FAM222A: variants seen among roughly 807,000 people sequenced by gnomAD.
FAM222A encodes the protein family with sequence similarity 222 member A.
In FAM222A, 7 loss-of-function variants were observed where a neutral mutation model predicts 25.8. The ratio of observed to expected loss-of-function variants is 0.27; its 90% CI spans 0.15 to 0.51. FAM222A has a LOEUF of 0.51. Among genes scored for constraint, FAM222A ranks in the 20% least tolerant of loss-of-function variants. The pLI is 0.97. For synonymous variants in FAM222A, 294 were observed against 298.8 expected (o/e 0.98, Z 0.17); for missense variants, 573 against 640.5 (o/e 0.89, Z 1.14).
At chr12:109,743,958 C>A in intron 1 of FAM222A, 143 bp from the exon 2 acceptor site, 6 of 1,410,598 alleles carry the variant, frequency 4.3e-6, no homozygotes, top group Non-Finnish European at 5.5e-6. Flanking sequence ...TTGGTCCCCT[C>A]ATTGGTCGAA....
chr12:109,731,610 T>C (rs1887949503), intron 1 of FAM222A, among the ~76,000 whole-genome samples: 1 of 152,118 alleles, frequency 6.6e-6, no homozygotes, highest in Middle Eastern at 3.2e-3. Flanking sequence ...AGAGGCCCTC[T>C]CCCTTATCCA....
At chr12:109,737,566 C>T (rs1008721140) in intron 1 of FAM222A, among the ~76,000 whole-genome samples, 3 of 148,224 alleles carry the variant, frequency 2.0e-5, no homozygotes, top group African/African-American at 7.5e-5. Context: ...GGGGACAGTA[C>T]CTCCCCAGCC....
intron 2 of FAM222A, among the ~76,000 whole-genome samples, 181 bp from the exon 3 acceptor site, chr12:109,767,831 A>C (rs1197894275): frequency 1.3e-5 from 2 of 152,200 alleles, no homozygotes; most frequent in African/African-American, 4.8e-5. Flanking sequence ...GTGAAAGTCC[A>C]TCAAGCTTAT....
chr12:109,768,854 G>A lies in FAM222A; in HGVS notation c.925G>A (p.Ala309Thr). The change falls in exon 3 of 3, where the codon GCC (alanine) becomes ACC (threonine). Residue 309 changes from alanine (A) to threonine (T), a missense_variant. Ala to Thr is a moderately conservative substitution (Grantham distance 58). Transcript: ENST00000538780. Reference protein sequence around the residue: ...PLRAYSGSTVASKSPEACGGR... With the variant: ...PLRAYSGSTVTSKSPEACGGR... ...GCGTGCCTACAGTGGGAGCACGGTG[G>A]CCAGCAAGTCCCCTGAGGCTTGCGG... 5.7e-6 allele frequency: 9 copies of A among 1,582,486 alleles called. No individual in the cohort carries two copies. The highest frequency in any genetic ancestry group is 7.7e-6 in the Non-Finnish European group (9 of 1,171,318).
At chr12:109,758,648 C>G (rs184737045) in intron 2 of FAM222A, among the ~76,000 whole-genome samples, 1 of 152,180 alleles carries the variant, frequency 6.6e-6, no homozygotes, top group Non-Finnish European at 1.5e-5. Context: ...CCGTCCCTGC[C>G]CCCACTCCTG....
chr12:109,723,178 C>T (rs1354519223), intron 1 of FAM222A, among the ~76,000 whole-genome samples: 1 of 152,122 alleles, frequency 6.6e-6, no homozygotes, highest in East Asian at 1.9e-4. Context: ...GGGAGGGGTG[C>T]AGGCCACTAG....
In FAM222A at chr12:109,769,043, C is replaced by T. The variant is rs370641373; in HGVS notation, c.1114C>T (p.Leu372=). The T allele has an allele frequency of 1.3e-3, 2,123 of 1,586,664 alleles. 28 individuals are homozygous for T. The African/African-American group carries it at 0.024, about 18-fold the overall frequency. Reference sequence around the variant, plus strand: ...AGCGGCGGCGGTGGTGGTCACGGAGCTGGGGCCGGGGGCAGCCCGGGAGCT... The same window carrying T: ...AGCGGCGGCGGTGGTGGTCACGGAGTTGGGGCCGGGGGCAGCCCGGGAGCT... The part of the protein sequence containing the change: ...NPAAAVVVTE[L]GPGAARELAG... The change falls in exon 3 of 3, where the codon CTG becomes TTG. Residue 372 remains leucine (L), a synonymous_variant. Coordinates refer to ENST00000538780, the MANE Select transcript of FAM222A (RefSeq NM_032829.3).
chr12:109,730,333 C>T (rs1015002947), intron 1 of FAM222A, among the ~76,000 whole-genome samples: 3 of 150,832 alleles, frequency 2.0e-5, no homozygotes, highest in Admixed American at 6.6e-5. Flanking sequence ...AATGGAATAA[C>T]CAAGGAGGTG....
chr12:109,745,672 T>G lies in FAM222A; in HGVS notation c.82+1444T>G, dbSNP rs4766628. 3.9e-3 allele frequency among the ~76,000 whole-genome samples: 589 copies of G among 152,292 alleles called. 3 individuals are homozygous for G. Among genetic ancestry groups the G allele is most frequent in the Non-Finnish European group, 6.2e-3 (420 of 68,010 alleles). On this transcript the variant is annotated intron_variant, in intron 2 of 2. Transcript: ENST00000538780. ...TAGGATCACAATGTGGGTTTGGTTTTGTTTTGTTTTGTTTAGGGATACAAG... is the reference window on the plus strand; with the variant it reads ...TAGGATCACAATGTGGGTTTGGTTTGGTTTTGTTTTGTTTAGGGATACAAG...
intron 2 of FAM222A, among the ~76,000 whole-genome samples, chr12:109,757,632 G>GA (rs926972071): frequency 2.0e-5 from 3 of 150,478 alleles, no homozygotes; most frequent in African/African-American, 7.3e-5. Context: ...CAAAATGAGA[G>GA]AAAAAAAAGA....
At chr12:109,716,902 G>A (rs189958744) in intron 1 of FAM222A, among the ~76,000 whole-genome samples, 5 of 152,358 alleles carry the variant, frequency 3.3e-5, no homozygotes, top group Admixed American at 3.3e-4. Context: ...ACTCCTTGGA[G>A]TGGCTCATAC....
At chr12:109,767,980 G>C (rs1440464468) in intron 2 of FAM222A, 32 bp from the exon 3 acceptor site, 1 of 1,597,456 alleles carries the variant, frequency 6.3e-7, no homozygotes, top group Admixed American at 1.7e-5. Context: ...ATGGCCTCCT[G>C]ATGGGCCCTC....
intron 1 of FAM222A, among the ~76,000 whole-genome samples, chr12:109,736,453 A>T (rs1888088745): frequency 6.6e-6 from 1 of 152,172 alleles, no homozygotes; most frequent in South Asian, 2.1e-4. Flanking sequence ...TCACAGAGTT[A>T]GGGTGTAAAG....
At chr12:109,721,350 C>T (rs901544219) in intron 1 of FAM222A, among the ~76,000 whole-genome samples, 1 of 152,246 alleles carries the variant, frequency 6.6e-6, no homozygotes, top group African/African-American at 2.4e-5. Context: ...CAGCAGGTCA[C>T]CTTCCCCCAC....
At chr12:109,728,528 A>G (rs1157844719) in intron 1 of FAM222A, among the ~76,000 whole-genome samples, 1 of 152,172 alleles carries the variant, frequency 6.6e-6, no homozygotes, top group East Asian at 1.9e-4. Context: ...CTCCTGCAGC[A>G]TATTCCAGCC....
intron 2 of FAM222A, chr12:109,744,631 C>T (rs997051259): frequency 1.0e-6 from 1 of 985,300 alleles, no homozygotes; most frequent in Non-Finnish European, 1.2e-6. Flanking sequence ...GCTGTGTGGT[C>T]TTGGGTGTTT....
Position 109,769,470 on chromosome 12 carries a change from A to C in FAM222A, c.*182A>C. 1.4e-6 allele frequency: 1 copy of C among 713,342 alleles called. No individual in the cohort carries two copies. The highest frequency in any genetic ancestry group is 2.3e-6 in the Non-Finnish European group (1 of 441,778). 44.2% of individuals were successfully genotyped at this position (713,342 alleles called of 1,614,324 possible). A position where few individuals can be genotyped will look rare whatever the true frequency, so the allele number is the denominator to read the frequency against. On this transcript the variant is annotated 3_prime_UTR_variant, in exon 3 of 3. Coordinates refer to ENST00000538780, the MANE Select transcript of FAM222A (RefSeq NM_032829.3). ...ATGGAGGGTGGCAGGGCAACCTCAC[A>C]TACCAAGGCCCCTCCCCACCATCGG...
At chr12:109,755,394 T>TCTCGGCTCACCGCAAC (rs1888696887) in intron 2 of FAM222A, among the ~76,000 whole-genome samples, 5 of 134,334 alleles carry the variant, frequency 3.7e-5, no homozygotes, top group African/African-American at 8.3e-5. Flanking sequence ...CTCACCGCAA[T>TCTCGGCTCACCGCAAC]CTCGGCTCAC....
chr12:109,732,818 C>T (rs1887979168), intron 1 of FAM222A, among the ~76,000 whole-genome samples: 1 of 152,246 alleles, frequency 6.6e-6, no homozygotes, highest in Non-Finnish European at 1.5e-5. Context: ...TGAACAAGGG[C>T]CTCAGGCCAG....
Sources: gnomAD v4.1 joint callset for allele counts (sites outside exome capture counted in the v4.1 genomes callset) on GRCh38, gnomAD v4.1.1 for gene constraint, MANE v1.5 for transcripts, NCBI Gene and HGNC (gene_info 2026-07-23, HGNC 2026-07-21) for gene names.